The following MGAT5 variants were observed in gnomAD, a reference collection of about 807,000 sequenced individuals.
The protein encoded by MGAT5 is alpha-1,6-mannosylglycoprotein 6-beta-N-acetylglucosaminyltransferase A.
Under a neutral mutation model 94.3 loss-of-function variants are expected in MGAT5, and 30 were observed. That is an observed-to-expected ratio of 0.32 (90% CI 0.24 to 0.43). The LOEUF (loss-of-function observed/expected upper bound fraction) is 0.43. MGAT5 is among the 20% of genes least tolerant of loss of function. The probability of loss-of-function intolerance (pLI) is 1.00; values close to 1 mark genes in which losing one functional copy is unlikely to be tolerated. For missense variants in MGAT5, 691 were observed against 905.5 expected, an observed-to-expected ratio of 0.76 and a Z score of 3.04; for synonymous variants, 310 against 322.9, an observed-to-expected ratio of 0.96 and a Z score of 0.43.
chr2:134,379,240 C>T (rs1439014157), intron 10 of MGAT5, among the ~76,000 whole-genome samples: 6 of 152,184 alleles, frequency 3.9e-5, no homozygotes, highest in African/African-American at 1.4e-4. Flanking sequence ...CTTGCAGAAA[C>T]GTGTGTACTT....
At chr2:134,341,178 G>T (rs538581564) in intron 6 of MGAT5, among the ~76,000 whole-genome samples, 2 of 152,174 alleles carry the variant, frequency 1.3e-5, no homozygotes, top group South Asian at 4.2e-4. Flanking sequence ...AATTACTTTG[G>T]CATTGACTAT....
chr2:134,424,958 A>G (rs1244455162), intron 13 of MGAT5, among the ~76,000 whole-genome samples: 1 of 152,214 alleles, frequency 6.6e-6, no homozygotes, highest in Non-Finnish European at 1.5e-5. Flanking sequence ...GTTTACATCT[A>G]CAAAGACCCT....
At chr2:134,347,663 TA>T in intron 8 of MGAT5, among the ~76,000 whole-genome samples, 1 of 152,160 alleles carries the variant, frequency 6.6e-6, no homozygotes, top group East Asian at 1.9e-4. Context: ...AGAGATGATT[TA>T]AATATGAGAG....
At chr2:134,325,659 A>G (rs768715585) in intron 4 of MGAT5, among the ~76,000 whole-genome samples, 1 of 152,148 alleles carries the variant, frequency 6.6e-6, no homozygotes, top group Admixed American at 6.6e-5. Flanking sequence ...ACATCAGATT[A>G]GTATTCACAT....
chr2:134,123,783 T>C (rs755095439), intron 1 of MGAT5, among the ~76,000 whole-genome samples: 2 of 152,152 alleles, frequency 1.3e-5, no homozygotes, highest in African/African-American at 2.4e-5. Flanking sequence ...GAAATAATTT[T>C]ATACGGGGGG....
chr2:134,189,608 T>TG (rs1418680848), intron 1 of MGAT5, among the ~76,000 whole-genome samples: 24 of 92,340 alleles, frequency 2.6e-4, no homozygotes, highest in Admixed American at 1.2e-3. Context: ...TTTTGTTTTT[T>TG]TTTTTTTTTT....
At chr2:134,157,713 C>A (rs1396834594) in intron 1 of MGAT5, among the ~76,000 whole-genome samples, 5 of 151,740 alleles carry the variant, frequency 3.3e-5, no homozygotes, top group African/African-American at 1.2e-4. Flanking sequence ...CAGTGGGAGC[C>A]CTGAGCTTGT....
At chr2:134,430,811 G>A (rs1684837798) in intron 14 of MGAT5, among the ~76,000 whole-genome samples, 2 of 152,122 alleles carry the variant, frequency 1.3e-5, no homozygotes, top group South Asian at 4.1e-4. Flanking sequence ...GGTCAGTTGG[G>A]GAGGACAATA....
intron 2 of MGAT5, among the ~76,000 whole-genome samples, chr2:134,310,118 T>C (rs1203156434): frequency 6.6e-6 from 1 of 152,224 alleles, no homozygotes; most frequent in African/African-American, 2.4e-5. Flanking sequence ...ATAGTATTTG[T>C]ACACAGGCAG....
At chr2:134,247,335 GTGAATAGATACC>G (rs1232149507) in intron 1 of MGAT5, among the ~76,000 whole-genome samples, 1 of 131,684 alleles carries the variant, frequency 7.6e-6, no homozygotes, top group African/African-American at 2.8e-5. Context: ...ACAATTTCAT[GTGAATAGATACC>G]TGGGCCTGAA....
chr2:134,238,092 T>A (rs1681765300), intron 1 of MGAT5, among the ~76,000 whole-genome samples: 1 of 152,086 alleles, frequency 6.6e-6, no homozygotes, highest in African/African-American at 2.4e-5. Context: ...ATTCATTTCA[T>A]AAGTTTGGAG....
chr2:134,280,331 T>G (rs2105710070), intron 2 of MGAT5, among the ~76,000 whole-genome samples: 1 of 152,280 alleles, frequency 6.6e-6, no homozygotes, highest in South Asian at 2.1e-4. Context: ...TCTTTTACCC[T>G]TGAACATTCA....
intron 1 of MGAT5, among the ~76,000 whole-genome samples, chr2:134,174,185 G>A (rs561841782): frequency 2.0e-5 from 3 of 152,258 alleles, no homozygotes; most frequent in East Asian, 1.9e-4. Flanking sequence ...TGGATCTTGT[G>A]TCTGGTCATT....
intron 1 of MGAT5, among the ~76,000 whole-genome samples, chr2:134,160,639 G>T (rs1264493132): frequency 6.6e-6 from 1 of 152,232 alleles, no homozygotes; most frequent in East Asian, 1.9e-4. Context: ...TGTGTAAGGG[G>T]TCATTCTTTC....
intron 1 of MGAT5, among the ~76,000 whole-genome samples, chr2:134,189,591 AGTTTTTTTTT>A (rs1164586226): frequency 3.8e-5 from 1 of 26,612 alleles, no homozygotes; most frequent in African/African-American, 2.4e-4. Flanking sequence ...TCATGGCTCT[AGTTTTTTTTT>A]GTTTTTTTTT....
chr2:134,255,391 C>T (rs1573624881), intron 1 of MGAT5, among the ~76,000 whole-genome samples: 1 of 151,674 alleles, frequency 6.6e-6, no homozygotes. Flanking sequence ...AAGTCTACTA[C>T]TCCAGGCAAT....
At chr2:134,410,704 T>G (rs992185226) in intron 11 of MGAT5, among the ~76,000 whole-genome samples, 3 of 152,246 alleles carry the variant, frequency 2.0e-5, no homozygotes, top group African/African-American at 7.2e-5. Flanking sequence ...CCCAAGATTT[T>G]CTATTTAAAT....
rs115368301 is a variant in MGAT5 at position 134,446,159 on chromosome 2, G to A, written c.2028-2490G>A. On this transcript the variant is annotated intron_variant, in intron 15 of 15. Coordinates refer to ENST00000281923, the MANE Select transcript of MGAT5 (RefSeq NM_002410.5). ...GTCTGCTGCTTGAGCACTCTGCGGC[G>A]GTCTCTGTGCATCACCCCAGGCAGG... Among the ~76,000 whole-genome samples, 555 of 152,114 alleles carry A rather than the reference G, an allele frequency of 3.6e-3. 5 individuals carry two copies. The highest frequency in any genetic ancestry group is 0.012 in the African/African-American group (508 of 41,496).
At chr2:134,324,454 A>C (rs1573805590) in intron 4 of MGAT5, among the ~76,000 whole-genome samples, 1 of 152,142 alleles carries the variant, frequency 6.6e-6, no homozygotes, top group Non-Finnish European at 1.5e-5. Flanking sequence ...ATGTAAAACT[A>C]ATATTGGCTG....
Sources: allele counts gnomAD v4.1 joint callset (sites outside exome capture counted in the v4.1 genomes callset), GRCh38; gene constraint gnomAD v4.1.1; transcripts MANE v1.5; gene names NCBI Gene and HGNC (gene_info 2026-07-23, HGNC 2026-07-21).